The following TUSC3 variants were observed in gnomAD, a reference collection of about 807,000 sequenced individuals.
TUSC3 encodes the protein tumor suppressor candidate 3.
Under a neutral mutation model 44.8 loss-of-function variants are expected in TUSC3, and 45 were observed. The observed-to-expected ratio is 1.00, with a 90% CI of 0.79 to 1.29. The LOEUF (loss-of-function observed/expected upper bound fraction) is 1.29, where lower values mean the gene tolerates loss of function less well. Among genes scored for constraint, TUSC3 ranks in the 50% most tolerant of loss-of-function variants. The pLI, the probability that TUSC3 is intolerant of heterozygous loss-of-function variation, is 0.00. For missense variants in TUSC3, 519 were observed against 437.9 expected (o/e 1.19, Z -1.65); for synonymous variants, 212 against 152.9 (o/e 1.39, Z -2.85).
At chr8:15,562,337 A>C (rs1802507844) in intron 1 of TUSC3, among the ~76,000 whole-genome samples, 1 of 152,134 alleles carries the variant, frequency 6.6e-6, no homozygotes, top group African/African-American at 2.4e-5. Context: ...ACCGCTTCGC[A>C]ATTTATCTTT....
At chr8:15,626,106 G>A (rs908863228) in intron 2 of TUSC3, among the ~76,000 whole-genome samples, 15 of 152,250 alleles carry the variant, frequency 9.9e-5, no homozygotes, top group Non-Finnish European at 1.5e-4. Context: ...TGTGCACCGT[G>A]CCCCCTGTGC....
intron 6 of TUSC3, among the ~76,000 whole-genome samples, chr8:15,690,851 T>C (rs1387000657): frequency 1.3e-5 from 2 of 151,752 alleles, no homozygotes; most frequent in African/African-American, 4.8e-5. Flanking sequence ...TCTGTTCCAT[T>C]GGTCTGTGTG....
At chr8:15,804,379 G>A in the TUSC3 span, among the ~76,000 whole-genome samples, 1 of 152,074 alleles carries the variant, frequency 6.6e-6, no homozygotes, top group Non-Finnish European at 1.5e-5. Context: ...TTGCTTTTGA[G>A]AACTGAGTCA....
upstream of TUSC3, among the ~76,000 whole-genome samples, chr8:15,538,954 A>C (rs1277798654): frequency 6.6e-6 from 1 of 151,474 alleles, no homozygotes; most frequent in African/African-American, 2.4e-5. Flanking sequence ...GGCTCTAGTG[A>C]TCCTTCCAGC....
intron 1 of TUSC3, among the ~76,000 whole-genome samples, chr8:15,450,541 C>T (rs1800184168): frequency 6.6e-6 from 1 of 151,970 alleles, no homozygotes; most frequent in Non-Finnish European, 1.5e-5. Flanking sequence ...AAAATTCACC[C>T]CACCTGTAAT....
chr8:15,790,647 C>T, the TUSC3 span, among the ~76,000 whole-genome samples: 2 of 152,154 alleles, frequency 1.3e-5, no homozygotes, highest in Non-Finnish European at 2.9e-5. Context: ...TCTCCTACCT[C>T]ACAACCTCTA....
the TUSC3 span, among the ~76,000 whole-genome samples, chr8:15,840,305 A>G: frequency 6.6e-6 from 1 of 152,126 alleles, no homozygotes; most frequent in Non-Finnish European, 1.5e-5. Context: ...GCAGCACACC[A>G]ACATGGCACA....
intron 3 of TUSC3, among the ~76,000 whole-genome samples, chr8:15,652,032 A>G (rs910020178): frequency 1.3e-5 from 2 of 152,232 alleles, no homozygotes; most frequent in Non-Finnish European, 2.9e-5. Context: ...TGTAATGTGT[A>G]ACTAGAATTT....
the TUSC3 span, among the ~76,000 whole-genome samples, chr8:15,818,189 C>G: frequency 6.6e-6 from 1 of 152,150 alleles, no homozygotes; most frequent in Non-Finnish European, 1.5e-5. Flanking sequence ...AAAAGTTTTC[C>G]ATTCTCAGTC....
At chr8:15,613,091 T>C (rs1383036142) in intron 1 of TUSC3, among the ~76,000 whole-genome samples, 1 of 148,912 alleles carries the variant, frequency 6.7e-6, no homozygotes, top group Non-Finnish European at 1.5e-5. Context: ...CATATATATG[T>C]ATTTTATATG....
At chr8:15,625,042 A>G (rs1268004820) in intron 2 of TUSC3, among the ~76,000 whole-genome samples, 1 of 152,088 alleles carries the variant, frequency 6.6e-6, no homozygotes, top group Non-Finnish European at 1.5e-5. Flanking sequence ...CTATATTCCT[A>G]GTTTGCTGAC....
chr8:15,418,206 T>A (rs10102167), intron 1 of TUSC3, among the ~76,000 whole-genome samples: 53,291 of 152,090 alleles, frequency 0.35, 9,974 homozygotes, highest in African/African-American at 0.47. Flanking sequence ...TTTTGTGGGT[T>A]GGTCAGCTCC....
chr8:15,537,618 G>T (rs1456482595), upstream of TUSC3, among the ~76,000 whole-genome samples: 1 of 152,148 alleles, frequency 6.6e-6, no homozygotes, highest in African/African-American at 2.4e-5. Flanking sequence ...TTACAAAATG[G>T]GAGACAGAAA....
chr8:15,442,926 C>G (rs937759376), intron 1 of TUSC3, among the ~76,000 whole-genome samples: 3 of 152,120 alleles, frequency 2.0e-5, no homozygotes, highest in African/African-American at 7.2e-5. Context: ...CTCTTATTAT[C>G]TAACTCCTCA....
chr8:15,549,413 C>A (rs1801979220), intron 1 of TUSC3, among the ~76,000 whole-genome samples: 1 of 151,600 alleles, frequency 6.6e-6, no homozygotes, highest in East Asian at 2.0e-4. Flanking sequence ...ACCTCGTGAT[C>A]TGCCCGCCTC....
At chr8:15,520,471 C>T (rs2129129289) in intron 2 of TUSC3, among the ~76,000 whole-genome samples, 1 of 152,298 alleles carries the variant, frequency 6.6e-6, no homozygotes, top group Middle Eastern at 3.4e-3. Context: ...AATTGTTGGT[C>T]ATGGTTAGCT....
chr8:15,799,867 A>G, the TUSC3 span, among the ~76,000 whole-genome samples: 1 of 152,204 alleles, frequency 6.6e-6, no homozygotes, highest in Admixed American at 6.5e-5. Flanking sequence ...AAGACAATTC[A>G]TCAAACAACA....
chr8:15,633,290 C>G (rs923693186), intron 2 of TUSC3, among the ~76,000 whole-genome samples: 3 of 152,170 alleles, frequency 2.0e-5, no homozygotes, highest in African/African-American at 4.8e-5. Flanking sequence ...GGGTAGTTCT[C>G]TCATCCATAG....
chr8:15,819,090 A>C, the TUSC3 span, among the ~76,000 whole-genome samples: 2 of 152,098 alleles, frequency 1.3e-5, no homozygotes, highest in Non-Finnish European at 2.9e-5. Context: ...TTATCTGGAG[A>C]AAATTCACAG....
Sources: gnomAD v4.1 joint callset for allele counts (sites outside exome capture counted in the v4.1 genomes callset) on GRCh38, gnomAD v4.1.1 for gene constraint, MANE v1.5 for transcripts, NCBI Gene and HGNC (gene_info 2026-07-23, HGNC 2026-07-21) for gene names.